Variants in KDM4C observed in about 807,000 individuals in gnomAD.
The protein encoded by KDM4C is lysine demethylase 4C.
A neutral mutation model predicts 129.3 loss-of-function variants in KDM4C; 81 were observed. The ratio of observed to expected loss-of-function variants is 0.63; its 90% confidence interval spans 0.52 to 0.75. The LOEUF is 0.75. Among genes scored for constraint, KDM4C ranks in the 30% least tolerant of loss-of-function variants. The pLI, the probability that KDM4C is intolerant of heterozygous loss-of-function variation, is 0.00. For missense variants in KDM4C, 1,457 were observed against 1,304.0 expected (o/e 1.12, Z -1.81); for synonymous variants, 573 against 456.1 (o/e 1.26, Z -3.26).
chr9:7,028,907 A>G (rs7863155), intron 15 of KDM4C, among the ~76,000 whole-genome samples: 3,275 of 150,250 alleles, frequency 0.022, 131 homozygotes, highest in African/African-American at 0.077. Flanking sequence ...GACCGTTGCC[A>G]GGGGATAAGG....
intron 5 of KDM4C, among the ~76,000 whole-genome samples, chr9:6,867,294 G>C (rs1167924628): frequency 6.6e-6 from 1 of 152,272 alleles, no homozygotes. Context: ...GATTACAGGC[G>C]TGAGCCGCTG....
At chr9:6,990,550 T>A (rs767377966) in intron 12 of KDM4C, 26 bp downstream of exon 12, 1 of 60,208 alleles carries the variant, frequency 1.7e-5, no homozygotes, top group Non-Finnish European at 2.3e-5. Context: ...TTTTTGGGAT[T>A]TTTTTTTTTT....
At chr9:7,047,602 A>T (rs1829593201) in intron 16 of KDM4C, among the ~76,000 whole-genome samples, 1 of 151,998 alleles carries the variant, frequency 6.6e-6, no homozygotes, top group Admixed American at 6.6e-5. Context: ...GACATGTCAA[A>T]ATAACCTGGG....
intron 19 of KDM4C, among the ~76,000 whole-genome samples, chr9:7,138,727 G>A (rs985433826): frequency 3.3e-5 from 5 of 152,084 alleles, no homozygotes; most frequent in East Asian, 3.9e-4. Context: ...ACTGAGGCAG[G>A]AGGAACCCTT....
At chr9:6,945,864 G>A (rs1341626661) in intron 8 of KDM4C, among the ~76,000 whole-genome samples, 1 of 152,156 alleles carries the variant, frequency 6.6e-6, no homozygotes, top group Admixed American at 6.5e-5. Flanking sequence ...GGACTGGGCT[G>A]TCTGTACTTA....
At chr9:6,862,071 C>G (rs1841040112) in intron 5 of KDM4C, among the ~76,000 whole-genome samples, 2 of 152,114 alleles carry the variant, frequency 1.3e-5, no homozygotes, top group Admixed American at 1.3e-4. Context: ...CGCGCCTGAC[C>G]TACAATATGT....
intron 1 of KDM4C, among the ~76,000 whole-genome samples, chr9:6,782,738 T>C (rs1401162930): frequency 1.3e-5 from 2 of 152,238 alleles, no homozygotes; most frequent in African/African-American, 4.8e-5. Context: ...GATATTGAGC[T>C]ATTGAAGGGT....
intron 17 of KDM4C, chr9:7,077,247 G>T (rs897371098): frequency 6.1e-6 from 6 of 984,438 alleles, no homozygotes; most frequent in Non-Finnish European, 2.4e-6. Context: ...GTGAATTAAA[G>T]ATGCCATTTG....
chr9:6,746,746 C>A (rs35242980), intron 1 of KDM4C, among the ~76,000 whole-genome samples: 1 of 148,656 alleles, frequency 6.7e-6, no homozygotes. Context: ...CGGTGGCTCA[C>A]GCCTGTAATC....
intron 4 of KDM4C, among the ~76,000 whole-genome samples, chr9:6,836,264 C>G (rs1024442376): frequency 7.9e-5 from 12 of 152,006 alleles, no homozygotes; most frequent in Non-Finnish European, 1.3e-4. Flanking sequence ...CCAGCCTGGC[C>G]AACACGGTGA....
intron 4 of KDM4C, among the ~76,000 whole-genome samples, chr9:6,826,418 A>G (rs1833878313): frequency 6.6e-6 from 1 of 152,136 alleles, no homozygotes; most frequent in Non-Finnish European, 1.5e-5. Flanking sequence ...ACTGTTTTGT[A>G]TATTTCCTTC....
intron 8 of KDM4C, among the ~76,000 whole-genome samples, chr9:6,933,282 G>A (rs1334699643): frequency 6.6e-6 from 1 of 152,128 alleles, no homozygotes; most frequent in Non-Finnish European, 1.5e-5. Context: ...AAGCCCCTTG[G>A]TTTTTTAAAT....
At chr9:6,858,036 G>T (rs968267850) in intron 5 of KDM4C, among the ~76,000 whole-genome samples, 2 of 148,646 alleles carry the variant, frequency 1.3e-5, no homozygotes, top group South Asian at 4.2e-4. Flanking sequence ...GCTCATTGTA[G>T]CCTCAAACTC....
chr9:6,758,262 C>T lies in KDM4C; in HGVS notation c.-18+59C>T, dbSNP rs1404591903. The T allele has an allele frequency of 2.1e-6, 2 of 940,876 alleles. No homozygotes were observed. Among genetic ancestry groups the T allele is most frequent in the South Asian group, 4.9e-5 (1 of 20,390 alleles). 58.3% of individuals were successfully genotyped at this position (940,876 alleles called of 1,614,324 possible). A position where few individuals can be genotyped will look rare whatever the true frequency, so the allele number is the denominator to read the frequency against. On this transcript the variant is annotated intron_variant, in intron 1 of 21. Transcript: ENST00000381309. The surrounding 1 kb of genome is among the most constrained non-coding windows in gnomAD (Gnocchi z 4.6). ...GGGGGGAGGGTCCGGAGAGGTCTTC[C>T]CGGCACTGCCCCCCTCCGCGTGGGG... is the stretch of plus-strand genomic sequence containing the variant.
chr9:7,045,294 C>G (rs1004150517), intron 15 of KDM4C, among the ~76,000 whole-genome samples: 16 of 151,990 alleles, frequency 1.1e-4, no homozygotes, highest in African/African-American at 3.6e-4. Context: ...ATCTAATTCT[C>G]TTAGAGCCTG....
At chr9:6,996,957 A>G (rs1819868672) in intron 12 of KDM4C, among the ~76,000 whole-genome samples, 2 of 152,216 alleles carry the variant, frequency 1.3e-5, no homozygotes, top group African/African-American at 4.8e-5. Context: ...AATGGCTAAT[A>G]TAAAATAAAC....
chr9:7,138,446 G>T (rs1841429416), intron 19 of KDM4C, among the ~76,000 whole-genome samples: 1 of 152,156 alleles, frequency 6.6e-6, no homozygotes, highest in Non-Finnish European at 1.5e-5. Flanking sequence ...GTTGAATAAT[G>T]TTATATGCAT....
At chr9:6,831,271 G>T (rs1834769542) in intron 4 of KDM4C, among the ~76,000 whole-genome samples, 1 of 152,146 alleles carries the variant, frequency 6.6e-6, no homozygotes, top group Non-Finnish European at 1.5e-5. Flanking sequence ...AAAATTTGAG[G>T]TAAGTAGCCT....
At chr9:6,992,460 C>T (rs2131938110) in intron 12 of KDM4C, among the ~76,000 whole-genome samples, 1 of 152,282 alleles carries the variant, frequency 6.6e-6, no homozygotes, top group East Asian at 1.9e-4. Context: ...GTTAAGGACC[C>T]CTGGTGACCT....
Sources: allele counts gnomAD v4.1 joint callset (sites outside exome capture counted in the v4.1 genomes callset), GRCh38; gene constraint gnomAD v4.1.1; non-coding constraint Gnocchi (gnomAD v3.1); transcripts MANE v1.5; gene names NCBI Gene and HGNC (gene_info 2026-07-23, HGNC 2026-07-21).